The following PAIP1 variants were observed in gnomAD, a reference collection of about 807,000 sequenced individuals.
PAIP1 encodes poly(A) binding protein interacting protein 1, also known as polyadenylate-binding protein-interacting protein 1.
Under a neutral mutation model 61.3 loss-of-function variants are expected in PAIP1, and 16 were observed. That is an observed-to-expected ratio of 0.26 (90% CI 0.18 to 0.40). The LOEUF is 0.40. Ranked by LOEUF, PAIP1 falls within the 10% of genes least tolerant of loss-of-function variation. The pLI is 1.00. For missense variants in PAIP1, 416 were observed against 600.9 expected (o/e 0.69, Z 3.22); for synonymous variants, 187 against 226.2 (o/e 0.83, Z 1.56).
intron 1 of PAIP1, 128 bp from the exon 2 acceptor site, chr5:43,556,127 T>C (rs913565928): frequency 6.9e-7 from 1 of 1,452,920 alleles, no homozygotes; most frequent in Admixed American, 2.5e-5. Context: ...ATGAAATTTA[T>C]GGTTATCGCC....
At chr5:43,541,838 C>T (rs977294520) in intron 4 of PAIP1, among the ~76,000 whole-genome samples, 1 of 151,640 alleles carries the variant, frequency 6.6e-6, no homozygotes, top group Non-Finnish European at 1.5e-5. Flanking sequence ...TGTGTAATTT[C>T]AAACACTGAT....
In PAIP1 at chr5:43,556,706, T is replaced by A. The variant is rs1263734925; in HGVS notation, c.141A>T (p.Gln47His). The A allele has an allele frequency of 8.3e-6, 11 of 1,330,564 alleles. No homozygotes were observed. Among genetic ancestry groups the A allele is most frequent in the African/African-American group, 1.5e-5 (1 of 65,266 alleles). The allele number at this position is 1,330,564 out of a possible 1,614,324, so 82.4% of individuals were successfully genotyped here. Residue 47 changes from glutamine (Q) to histidine (H), a missense_variant, in exon 1 of 11, where the codon CAA becomes CAT. Around this residue, in one of 4 missense-constraint regions of PAIP1, gnomAD observed 97 missense variants for 89.5 expected, o/e 1.08. Transcript: ENST00000306846. ...PAERARHQPP[Q>H]PKAPGFLQPP... ...GCTGCAGGAAGCCCGGGGCTTTGGG[T>A]TGCGGCGGCTGGTGCCGCGCCCGCT...
chr5:43,533,040 TG>T (rs1212892293), intron 9 of PAIP1, among the ~76,000 whole-genome samples: 1 of 152,202 alleles, frequency 6.6e-6, no homozygotes, highest in Non-Finnish European at 1.5e-5. Context: ...TAACATTTAG[TG>T]AAGTTTAAGA....
rs573216023 is a variant in PAIP1, at chr5:43,527,412, C to G, written c.1404G>C (p.Lys468Asn). 60 of 1,603,006 alleles carry G rather than the reference C, an allele frequency of 3.7e-5. No homozygotes were observed. In the East Asian group the frequency reaches 8.8e-4, roughly 23 times the overall value. ...MDPEIEEAYE[K>N]FCLESERKRK... ...GCTTACGCTCTGATTCCAAACAAAA[C>G]TTTTCATAAGCTTCTTCTATCTCTG... is the stretch of plus-strand genomic sequence containing the variant. Residue 468 changes from lysine (K) to asparagine (N), a missense_variant, in exon 11 of 11, where the codon AAG becomes AAC. By Grantham distance (94) the Lys-to-Asn change is moderately conservative. Around this residue, in one of 4 missense-constraint regions of PAIP1, gnomAD observed 135 missense variants for 283.9 expected, o/e 0.48. Transcript: ENST00000306846.
chr5:43,556,212 A>T, intron 1 of PAIP1: 1 of 1,314,314 alleles, frequency 7.6e-7, no homozygotes, highest in East Asian at 2.9e-5. Flanking sequence ...CCTGCCTCTC[A>T]AATGAGTGCT....
intron 2 of PAIP1, 104 bp from the exon 3 acceptor site, chr5:43,548,017 G>A: frequency 1.6e-6 from 1 of 642,260 alleles, no homozygotes; most frequent in Non-Finnish European, 2.6e-6. Flanking sequence ...TCCCTCACAT[G>A]ATAAAAATTT....
intron 9 of PAIP1, among the ~76,000 whole-genome samples, chr5:43,532,652 T>C (rs56252541): frequency 0.12 from 18,577 of 152,162 alleles, 1,484 homozygotes; most frequent in Non-Finnish European, 0.16. Flanking sequence ...AGGTTCTACA[T>C]GACATTATAA....
chr5:43,531,216 T>C (rs1040829172), intron 9 of PAIP1, among the ~76,000 whole-genome samples: 4 of 151,564 alleles, frequency 2.6e-5, no homozygotes, highest in African/African-American at 7.3e-5. Flanking sequence ...AACAAAAAAT[T>C]TGTCCAAGTC....
intron 1 of PAIP1, chr5:43,556,241 C>T: frequency 7.8e-7 from 1 of 1,284,758 alleles, no homozygotes; most frequent in Non-Finnish European, 9.8e-7. Flanking sequence ...TTTTTCCTCT[C>T]TGTCGTTTTA....
intron 5 of PAIP1, among the ~76,000 whole-genome samples, chr5:43,538,572 A>G (rs576859341): frequency 1.3e-5 from 2 of 152,360 alleles, no homozygotes; most frequent in Admixed American, 1.3e-4. Context: ...GCTTTGAGCC[A>G]CCATCTGAAA....
rs1174487002 is a variant in PAIP1, at chr5:43,527,334, T to C, written c.*42A>G. ...TCTCTTGTGTTCTGCTAAATCACCA[T>C]ACCTAAACTGCTTTATAAAACTGAT... is the stretch of plus-strand genomic sequence containing the variant. On this transcript the variant is annotated 3_prime_UTR_variant, in exon 11 of 11. Transcript: ENST00000306846. The C allele has an allele frequency of 5.3e-6, 8 of 1,512,274 alleles. No individual in the cohort carries two copies. The highest frequency in any genetic ancestry group is 2.4e-4 in the Middle Eastern group (1 of 4,142). The allele number at this position is 1,512,274 out of a possible 1,614,324, so 93.7% of individuals were successfully genotyped here.
chr5:43,541,545 A>AG (rs1261044613), intron 4 of PAIP1, among the ~76,000 whole-genome samples: 1 of 150,194 alleles, frequency 6.7e-6, no homozygotes, highest in Non-Finnish European at 1.5e-5. Context: ...ATGACTATCC[A>AG]GTTATGCTAC....
intron 7 of PAIP1, 106 bp downstream of exon 7, chr5:43,535,428 T>C: frequency 1.5e-6 from 1 of 687,144 alleles, no homozygotes; most frequent in Non-Finnish European, 2.6e-6. Context: ...GTATATCCGT[T>C]AGCCATCAAC....
At chr5:43,535,425 C>T (rs1349771013) in intron 7 of PAIP1, 109 bp downstream of exon 7, 6 of 679,520 alleles carry the variant, frequency 8.8e-6, no homozygotes, top group African/African-American at 3.7e-5. Flanking sequence ...TTTGTATATC[C>T]GTTAGCCATC....
Position 43,547,746 on chromosome 5 carries a change from C to T in PAIP1, c.603G>A (p.Val201=). ...AACATACCTGTTGATAGATGAGTTC[C>T]ACAAGTTCTTGCAAAGCATCATCTG... The part of the protein sequence containing the change: ...VTTDDALQEL[V]ELIYQQATSI... Residue 201 remains valine (V), a synonymous_variant, in exon 3 of 11, where the codon GTG becomes GTA. Coordinates refer to ENST00000306846, the MANE Select transcript of PAIP1 (RefSeq NM_006451.5). 1 of 1,608,860 alleles carries T rather than the reference C, an allele frequency of 6.2e-7. No homozygotes were observed. Among genetic ancestry groups the T allele is most frequent in the African/African-American group, 1.3e-5 (1 of 74,718 alleles).
At chr5:43,553,495 C>T (rs1489348586) in intron 2 of PAIP1, among the ~76,000 whole-genome samples, 1 of 152,112 alleles carries the variant, frequency 6.6e-6, no homozygotes, top group East Asian at 1.9e-4. Context: ...TGCTGTATCA[C>T]CGGTGCTTGA....
intron 10 of PAIP1, among the ~76,000 whole-genome samples, chr5:43,528,056 G>A (rs1333110014): frequency 1.3e-5 from 2 of 152,104 alleles, no homozygotes; most frequent in South Asian, 2.1e-4. Flanking sequence ...TTAAAATGGT[G>A]GAAAGCAAGG....
rs569003003 is a variant in PAIP1, at chr5:43,526,351, T to C, written c.*1025A>G. ...CAAACAAGCAGAAAAGTGAGAAAGC[T>C]AACTGTATTAGCAGACACAGATGTA... is the stretch of plus-strand genomic sequence containing the variant. On this transcript the variant is annotated 3_prime_UTR_variant, in exon 11 of 11. Transcript: ENST00000306846. 7.6e-4 allele frequency: 116 copies of C among 152,462 alleles called. No individual in the cohort carries two copies. Among genetic ancestry groups the C allele is most frequent in the Non-Finnish European group, 1.4e-3 (92 of 67,984 alleles). The allele number at this position is 152,462 out of a possible 1,614,324, so 9.4% of individuals were successfully genotyped here. A position where few individuals can be genotyped will look rare whatever the true frequency, so the allele number is the denominator to read the frequency against.
chr5:43,553,703 C>G (rs1476930287), intron 2 of PAIP1, among the ~76,000 whole-genome samples: 1 of 152,140 alleles, frequency 6.6e-6, no homozygotes, highest in African/African-American at 2.4e-5. Context: ...TAGGGTAAAC[C>G]AGTAAGGCTA....
Sources: gnomAD v4.1 joint callset for allele counts (sites outside exome capture counted in the v4.1 genomes callset) on GRCh38, gnomAD v4.1.1 for gene constraint, gnomAD v4.1.1 regional missense constraint, MANE v1.5 for transcripts, NCBI Gene and HGNC (gene_info 2026-07-23, HGNC 2026-07-21) for gene names.